MUCL1: variants seen among roughly 807,000 people sequenced by gnomAD.
The protein encoded by MUCL1 is mucin-like protein 1.
MUCL1 carries 11 observed loss-of-function variants against 9.2 expected under a neutral mutation model. The observed-to-expected ratio is 1.19, with a 90% CI of 0.75 to 1.97. The LOEUF is 1.97. Ranked by LOEUF, MUCL1 falls within the 30% of genes most tolerant of loss-of-function variation. The pLI, the probability that MUCL1 is intolerant of heterozygous loss-of-function variation, is 0.00. For missense variants in MUCL1, 144 were observed against 110.9 expected, an observed-to-expected ratio of 1.30 and a Z score of -1.34; for synonymous variants, 48 against 40.5, an observed-to-expected ratio of 1.19 and a Z score of -0.71.
chr12:54,837,059 T>C (rs1026269292), upstream of MUCL1, among the ~76,000 whole-genome samples: 3 of 152,228 alleles, frequency 2.0e-5, no homozygotes, highest in African/African-American at 4.8e-5. Flanking sequence ...ATTCTGCAGT[T>C]CTTGAGTAGA....
chr12:54,849,661 G>A (rs1959307497), upstream of MUCL1, among the ~76,000 whole-genome samples: 1 of 151,964 alleles, frequency 6.6e-6, no homozygotes, highest in Non-Finnish European at 1.5e-5. Context: ...GTTACAAAAT[G>A]TAGATATTAG....
chr12:54,846,917 T>A (rs1959265187), intron 1 of MUCL1, among the ~76,000 whole-genome samples: 1 of 152,200 alleles, frequency 6.6e-6, no homozygotes, highest in East Asian at 1.9e-4. Flanking sequence ...TTCCAGGCAA[T>A]AAAACATTCC....
At chr12:54,854,866 A>G (rs961824833) in intron 1 of MUCL1, among the ~76,000 whole-genome samples, 1 of 152,160 alleles carries the variant, frequency 6.6e-6, no homozygotes, top group Admixed American at 6.6e-5. Flanking sequence ...GTTTATTGTT[A>G]CTGTTAGTAA....
At chr12:54,852,040 A>G (rs1868252300), upstream of MUCL1, among the ~76,000 whole-genome samples, 1 of 152,220 alleles carries the variant, frequency 6.6e-6, no homozygotes, top group African/African-American at 2.4e-5. Flanking sequence ...TTCCATGCTC[A>G]TGGGTTGGAA....
At chr12:54,830,756 C>T (rs953173007) in exon 1 of MUCL1, 3 of 152,148 alleles carry the variant, frequency 2.0e-5, no homozygotes, top group Admixed American at 1.3e-4. Context: ...ACCCCTTGGC[C>T]TCCATTGGGG....
chr12:54,847,938 A>G (rs76452811), intron 1 of MUCL1, among the ~76,000 whole-genome samples: 13 of 152,070 alleles, frequency 8.5e-5, no homozygotes, highest in African/African-American at 2.4e-4. Flanking sequence ...CTCCCTTGGC[A>G]TGATCACAGG....
rs547680366 is a variant in MUCL1, at chr12:54,831,782, C to T, written n.357+907C>T. Among the ~76,000 whole-genome samples the T allele has an allele frequency of 4.0e-4, 61 of 152,144 alleles. 1 individual carries two copies. Among genetic ancestry groups the T allele is most frequent in the African/African-American group, 1.4e-3 (58 of 41,550 alleles). On this transcript the variant is annotated intron_variant and non_coding_transcript_variant, in intron 1 of 3. Coordinates refer to the MUCL1 transcript ENST00000547990. ...ATTTTTGTCACATTGAAAAATTATA[C>T]TATGAGGAAGCATATGCCTCTAAAA... is the stretch of plus-strand genomic sequence containing the variant.
chr12:54,857,221 T>A (rs1167816021), intron 3 of MUCL1, among the ~76,000 whole-genome samples: 1 of 147,084 alleles, frequency 6.8e-6, no homozygotes, highest in Non-Finnish European at 1.5e-5. Flanking sequence ...ATTATTTTTT[T>A]AAATCAGGTA....
intron 3 of MUCL1, among the ~76,000 whole-genome samples, chr12:54,857,660 A>C (rs1424064455): frequency 6.6e-6 from 1 of 152,200 alleles, no homozygotes; most frequent in Non-Finnish European, 1.5e-5. Flanking sequence ...CTTTGAGCAC[A>C]CAGGCAGAAA....
intron 1 of MUCL1, among the ~76,000 whole-genome samples, chr12:54,841,588 A>G (rs1178413116): frequency 6.6e-6 from 1 of 152,160 alleles, no homozygotes; most frequent in Non-Finnish European, 1.5e-5. Context: ...TTTTTCTGAA[A>G]TGAATGATGT....
Position 54,858,382 on chromosome 12 carries a change from G to A in MUCL1, c.*140G>A. ...TCTTTCAAATAAAAAATAACTATGA[G>A]CAACATAAAAATGGTATTTCTTATG... On this transcript the variant is annotated 3_prime_UTR_variant, in exon 4 of 4. Transcript: ENST00000308796. The A allele has an allele frequency of 9.1e-7, 1 of 1,104,890 alleles. No individual in the cohort carries two copies. The highest frequency in any genetic ancestry group is 1.3e-6 in the Non-Finnish European group (1 of 751,532). 68.4% of individuals were successfully genotyped at this position (1,104,890 alleles called of 1,614,324 possible).
upstream of MUCL1, among the ~76,000 whole-genome samples, chr12:54,852,401 T>C (rs1391178356): frequency 6.6e-6 from 1 of 152,134 alleles, no homozygotes; most frequent in Non-Finnish European, 1.5e-5. Context: ...AAACAAGCAA[T>C]GGGGAAAGGA....
chr12:54,851,128 G>A (rs965259708), upstream of MUCL1, among the ~76,000 whole-genome samples: 4 of 152,034 alleles, frequency 2.6e-5, no homozygotes, highest in Non-Finnish European at 5.9e-5. Flanking sequence ...CACTCTGATG[G>A]TAGTTTCTTT....
At chr12:54,850,083 G>A (rs1367757841), upstream of MUCL1, among the ~76,000 whole-genome samples, 1 of 152,176 alleles carries the variant, frequency 6.6e-6, no homozygotes, top group Non-Finnish European at 1.5e-5. Flanking sequence ...CTTCAGGGAG[G>A]AGGGCTCTTT....
At chr12:54,831,735 C>T (rs1309714640) in intron 1 of MUCL1, among the ~76,000 whole-genome samples, 1 of 151,950 alleles carries the variant, frequency 6.6e-6, no homozygotes, top group African/African-American at 2.4e-5. Flanking sequence ...TATAAAGAGA[C>T]TAAATATATT....
chr12:54,830,804 C>T (rs753610821), exon 1 of MUCL1: 2 of 151,946 alleles, frequency 1.3e-5, no homozygotes, highest in Non-Finnish European at 2.9e-5. Context: ...TGAGGGATCC[C>T]CAAAAGCAAT....
intron 1 of MUCL1, among the ~76,000 whole-genome samples, chr12:54,831,852 T>C (rs1298250636): frequency 6.6e-6 from 1 of 152,078 alleles, no homozygotes; most frequent in East Asian, 1.9e-4. Context: ...TGCTACAGAA[T>C]GCTGCCATGT....
chr12:54,838,562 A>G (rs2124052), upstream of MUCL1, among the ~76,000 whole-genome samples: 11 of 152,090 alleles, frequency 7.2e-5, no homozygotes, highest in African/African-American at 2.7e-4. Flanking sequence ...CAGGAGCACA[A>G]ATGATTCTTA....
chr12:54,850,214 G>C (rs1206446381), upstream of MUCL1, among the ~76,000 whole-genome samples: 1 of 152,034 alleles, frequency 6.6e-6, no homozygotes, highest in Admixed American at 6.5e-5. Flanking sequence ...CAACGTGCAG[G>C]TTTGTTACAT....
Sources: allele counts gnomAD v4.1 joint callset (sites outside exome capture counted in the v4.1 genomes callset), GRCh38; gene constraint gnomAD v4.1.1; transcripts MANE v1.5; gene names NCBI Gene and HGNC (gene_info 2026-07-23, HGNC 2026-07-21).